Variants in EHMT1 observed in about 807,000 individuals in gnomAD.
EHMT1 encodes the protein euchromatic histone lysine methyltransferase 1.
A neutral mutation model predicts 147.2 loss-of-function variants in EHMT1; 15 were observed. That is an observed-to-expected ratio of 0.10 (90% CI 0.07 to 0.16). The LOEUF is 0.16. Ranked by LOEUF, EHMT1 falls within the 10% of genes least tolerant of loss-of-function variation. The pLI is 1.00. For missense variants in EHMT1, 1,587 were observed against 1,772.4 expected (o/e 0.90, Z 1.88); for synonymous variants, 795 against 709.6 (o/e 1.12, Z -1.91).
chr9:137,763,077 T>C (rs1949957632), intron 10 of EHMT1: 1 of 610,624 alleles, frequency 1.6e-6, no homozygotes, highest in Non-Finnish European at 2.9e-6. Flanking sequence ...TTGTATTTCT[T>C]TTTTATGATC....
rs147964948 is a variant in EHMT1, at chr9:137,733,712, C to T, written c.823+5183C>T. Among the ~76,000 whole-genome samples the T allele has an allele frequency of 2.3e-3, 352 of 152,298 alleles. 4 individuals are homozygous for T. Among genetic ancestry groups the T allele is most frequent in the Non-Finnish European group, 3.1e-3 (209 of 68,018 alleles). Reference sequence around the variant, plus strand: ...GGTTGTAAGCCTTTCTTCCATGTGACGGCCAAGAAATCTAAAGGGCCAGTG... The same window carrying T: ...GGTTGTAAGCCTTTCTTCCATGTGATGGCCAAGAAATCTAAAGGGCCAGTG... On this transcript the variant is annotated intron_variant, in intron 4 of 26. Coordinates refer to ENST00000460843, the MANE Select transcript of EHMT1 (RefSeq NM_024757.5).
At chr9:137,653,776 G>A (rs1237729987) in intron 1 of EHMT1, among the ~76,000 whole-genome samples, 3 of 152,064 alleles carry the variant, frequency 2.0e-5, no homozygotes, top group Admixed American at 1.3e-4. Context: ...CGCCTGCCTC[G>A]GCCTCCCAAA....
At chr9:137,687,200 C>T (rs962866884) in intron 1 of EHMT1, among the ~76,000 whole-genome samples, 3 of 152,134 alleles carry the variant, frequency 2.0e-5, no homozygotes, top group Non-Finnish European at 4.4e-5. Flanking sequence ...GACTTTTTGC[C>T]AGTAACACAC....
chr9:137,662,464 T>C (rs1234894256), intron 1 of EHMT1, among the ~76,000 whole-genome samples: 1 of 152,010 alleles, frequency 6.6e-6, no homozygotes, highest in East Asian at 1.9e-4. Context: ...TCTCAAAGTG[T>C]TGGGATTATA....
intron 1 of EHMT1, among the ~76,000 whole-genome samples, chr9:137,636,538 T>C (rs1002680998): frequency 3.9e-5 from 6 of 152,200 alleles, no homozygotes; most frequent in African/African-American, 1.4e-4. Context: ...AGTTTTTCCA[T>C]AGATGCCCTT....
chr9:137,789,045 C>T (rs1952270298), intron 15 of EHMT1: 1 of 152,622 alleles, frequency 6.6e-6, no homozygotes, highest in South Asian at 2.1e-4. Context: ...CTTTCTTGGA[C>T]TTTGTCTCAG....
intron 3 of EHMT1, among the ~76,000 whole-genome samples, chr9:137,722,470 C>T (rs543747797): frequency 7.9e-4 from 121 of 152,360 alleles, no homozygotes; most frequent in South Asian, 5.2e-3. Context: ...ACTGCCTCTC[C>T]GCACCCTGGA....
At chr9:137,758,285 G>A (rs565935288) in intron 9 of EHMT1, among the ~76,000 whole-genome samples, 105 of 152,236 alleles carry the variant, frequency 6.9e-4, no homozygotes, top group Non-Finnish European at 1.2e-3. Flanking sequence ...TGGGTCAGGC[G>A]TGCTCCGTGG....
chr9:137,659,645 C>T (rs1938863042), intron 1 of EHMT1, among the ~76,000 whole-genome samples: 1 of 151,804 alleles, frequency 6.6e-6, no homozygotes, highest in African/African-American at 2.4e-5. Context: ...CTTGACCTCC[C>T]TTGCCTAGGT....
intron 1 of EHMT1, among the ~76,000 whole-genome samples, chr9:137,688,347 T>G (rs1942640141): frequency 6.6e-6 from 1 of 152,166 alleles, no homozygotes. Context: ...GAAATTTCAT[T>G]TTTATATTCT....
intron 6 of EHMT1, among the ~76,000 whole-genome samples, chr9:137,750,390 CTT>C (rs1386182985): frequency 6.6e-6 from 1 of 152,264 alleles, no homozygotes; most frequent in Non-Finnish European, 1.5e-5. Flanking sequence ...GATAAGGACT[CTT>C]TGAAAGACAA....
At chr9:137,743,653 C>T in intron 5 of EHMT1, 125 bp downstream of exon 5, 1 of 1,420,552 alleles carries the variant, frequency 7.0e-7, no homozygotes, top group Non-Finnish European at 9.8e-7. Flanking sequence ...TGAAGCTCCT[C>T]TGCCATAGGG....
At chr9:137,772,412 G>C (rs759269126) in intron 10 of EHMT1, among the ~76,000 whole-genome samples, 2 of 152,186 alleles carry the variant, frequency 1.3e-5, no homozygotes, top group Non-Finnish European at 2.9e-5. Context: ...CTTGTGTGGA[G>C]AGTAGATAGT....
Position 137,630,676 on chromosome 9 carries a change from G to A in EHMT1, c.21+11627G>A, listed in dbSNP as rs138354009. ...TGTGCCGTTGTACTTCCTCTGTCCCGTATTGTCTGACGTGCATTCGTATCT... is the reference window on the plus strand; with the variant it reads ...TGTGCCGTTGTACTTCCTCTGTCCCATATTGTCTGACGTGCATTCGTATCT... On this transcript the variant is annotated intron_variant, in intron 1 of 26. Transcript: ENST00000460843. Among the ~76,000 whole-genome samples, 122 of 152,214 alleles carry A rather than the reference G, an allele frequency of 8.0e-4. 3 individuals carry two copies. In the East Asian group the frequency reaches 0.016, roughly 20 times the overall value.
chr9:137,695,315 G>T (rs574251521), intron 1 of EHMT1, among the ~76,000 whole-genome samples: 6 of 152,318 alleles, frequency 3.9e-5, no homozygotes, highest in African/African-American at 1.4e-4. Context: ...CCAGAGCTTG[G>T]ATTGCTGTGA....
chr9:137,624,402 A>G (rs1185505527), intron 1 of EHMT1, among the ~76,000 whole-genome samples: 1 of 149,846 alleles, frequency 6.7e-6, no homozygotes, highest in Non-Finnish European at 1.5e-5. Context: ...TCTTTCTGCA[A>G]CCTGCCCGGT....
chr9:137,752,965 A>G (rs962365662), intron 7 of EHMT1, among the ~76,000 whole-genome samples: 3 of 152,134 alleles, frequency 2.0e-5, no homozygotes, highest in African/African-American at 7.2e-5. Flanking sequence ...CTCCGTCCCT[A>G]CTGAAGCCTG....
chr9:137,624,305 CT>C, intron 1 of EHMT1, among the ~76,000 whole-genome samples: 1 of 147,186 alleles, frequency 6.8e-6, no homozygotes, highest in African/African-American at 2.5e-5. Context: ...TATGCCCGGC[CT>C]CTTTTTTTTT....
chr9:137,670,092 T>A (rs2134252906), intron 1 of EHMT1, among the ~76,000 whole-genome samples: 1 of 152,294 alleles, frequency 6.6e-6, no homozygotes, highest in South Asian at 2.1e-4. Flanking sequence ...ACTCTTGGCC[T>A]CAAGTGATCC....
Sources: gnomAD v4.1 joint callset for allele counts (sites outside exome capture counted in the v4.1 genomes callset) on GRCh38, gnomAD v4.1.1 for gene constraint, MANE v1.5 for transcripts, NCBI Gene and HGNC (gene_info 2026-07-23, HGNC 2026-07-21) for gene names.